Variants in CANT1 observed in about 807,000 individuals in gnomAD.
CANT1 encodes the protein calcium activated nucleotidase 1.
CANT1 carries 26 observed loss-of-function variants against 30.0 expected under a neutral mutation model. The ratio of observed to expected loss-of-function variants is 0.87; its 90% CI spans 0.64 to 1.20. The LOEUF is 1.20. CANT1 is among the 50% of genes most tolerant of loss of function. The pLI is 0.00. For synonymous variants in CANT1, 246 were observed against 251.8 expected (o/e 0.98, Z 0.22); for missense variants, 518 against 563.0 (o/e 0.92, Z 0.81).
rs189807984 is a variant in CANT1 at position 78,996,812 on chromosome 17, G to A, written c.631+180C>T. The A allele has an allele frequency of 4.4e-4, 372 of 837,358 alleles. No individual in the cohort carries two copies. The highest frequency in any genetic ancestry group is 3.9e-3 in the African/African-American group (234 of 60,504). The allele number at this position is 837,358 out of a possible 1,614,324, so 51.9% of individuals were successfully genotyped here. A position where few individuals can be genotyped will look rare whatever the true frequency, so the allele number is the denominator to read the frequency against. The stretch of plus-strand genomic sequence containing the variant: ...AACTGCTCAGTGTGAAGTGACAGTA[G>A]GCTATGCTCCTGGCTAAGGGTAAGG... On this transcript the variant is annotated intron_variant, in intron 3 of 4. Transcript: ENST00000392446. This position sits in a 1 kb window ranked among gnomAD's most constrained non-coding sequence, Gnocchi z 5.1.
Position 79,009,672 on chromosome 17 carries a change from G to T in CANT1, c.-155C>A. On this transcript the variant is annotated 5_prime_UTR_variant, in exon 1 of 5. Coordinates refer to ENST00000392446, the MANE Select transcript of CANT1 (RefSeq NM_001159773.2). ...CGGGCGCAGTCACTCACCCGCTGCG[G>T]GGCTGGCTCCGGTGCCCGCGATCGG... 6.6e-6 allele frequency: 1 copy of T among 152,142 alleles called. No homozygotes were observed. Among genetic ancestry groups the T allele is most frequent in the South Asian group, 1.9e-4 (1 of 5,264 alleles). The allele number at this position is 152,142 out of a possible 1,614,324, so 9.4% of individuals were successfully genotyped here. A position where few individuals can be genotyped will look rare whatever the true frequency, so the allele number is the denominator to read the frequency against.
rs990507435 is a variant in CANT1, at chr17:78,997,863, C to T, written c.-46G>A. 6 of 447,488 alleles carry T rather than the reference C, an allele frequency of 1.3e-5. No individual in the cohort carries two copies. The highest frequency in any genetic ancestry group is 1.2e-4 in the African/African-American group (6 of 50,572). The allele number at this position is 447,488 out of a possible 1,614,324, so 27.7% of individuals were successfully genotyped here. A position where few individuals can be genotyped will look rare whatever the true frequency, so the allele number is the denominator to read the frequency against. The stretch of plus-strand genomic sequence containing the variant: ...ACTTTCATTCGGCAAGACGTGAAGT[C>T]TTTCCACAGCAAAATTACTCCATCT... On this transcript the variant is annotated 5_prime_UTR_variant, in exon 2 of 5. Transcript: ENST00000392446. The surrounding 1 kb of genome is among the most constrained non-coding windows in gnomAD (Gnocchi z 7.5).
Position 78,995,766 on chromosome 17 carries a change from G to A in CANT1, c.632-545C>T, listed in dbSNP as rs550017085. Among the ~76,000 whole-genome samples the A allele has an allele frequency of 2.0e-5, 3 of 152,234 alleles. No individual in the cohort carries two copies. Among genetic ancestry groups the A allele is most frequent in the East Asian group, 3.9e-4 (2 of 5,170 alleles). On this transcript the variant is annotated intron_variant, in intron 3 of 4. Coordinates refer to ENST00000392446, the MANE Select transcript of CANT1 (RefSeq NM_001159773.2). This position sits in a 1 kb window ranked among gnomAD's most constrained non-coding sequence, Gnocchi z 5.7. ...GCTGTGTGGGAGCCTGTGTTCTACC[G>A]TGTATTCTTATCATCCCTACACCCT...
chr17:78,992,526 G>A lies in CANT1; in HGVS notation c.*1024C>T, dbSNP rs577227738. The stretch of plus-strand genomic sequence containing the variant: ...AGCCTGCAAAACTCCCACTGGAAGA[G>A]GAGAAATAAAGGCCATGGAAAGAAA... On this transcript the variant is annotated 3_prime_UTR_variant, in exon 5 of 5. Transcript: ENST00000392446. The A allele has an allele frequency of 7.5e-5, 28 of 371,754 alleles. 1 individual carries two copies. In the South Asian group the frequency reaches 7.7e-4, roughly 10 times the overall value. 23.0% of individuals were successfully genotyped at this position (371,754 alleles called of 1,614,324 possible).
At chr17:79,003,415 T>C (rs1382159258) in intron 1 of CANT1, among the ~76,000 whole-genome samples, 1 of 133,832 alleles carries the variant, frequency 7.5e-6, no homozygotes, top group Admixed American at 8.2e-5. Flanking sequence ...AGGCAAGAGT[T>C]TGCATGTTCT....
chr17:78,997,322 C>T lies in CANT1; in HGVS notation c.301G>A (p.Ala101Thr), dbSNP rs1352620338. The change falls in exon 3 of 5, where the codon GCT becomes ACT. Residue 101 changes from alanine to threonine, a missense_variant. Coordinates refer to ENST00000392446, the MANE Select transcript of CANT1 (RefSeq NM_001159773.2). This position sits in a 1 kb window ranked among gnomAD's most constrained non-coding sequence, Gnocchi z 7.5. ...ACTGCGATTCGATACCGAATCCCAG[C>T]CGGTGTCCTTTGTGGGGGAGACAGG... ...YPLSPPQRTP[A>T]GIRYRIAVIA... 1.9e-6 allele frequency: 3 copies of T among 1,614,080 alleles called. No homozygotes were observed. In the African/African-American group the frequency reaches 4.0e-5, roughly 22 times the overall value.
Position 78,997,386 on chromosome 17 carries a change from G to C in CANT1, c.237C>G (p.Leu79=). ...PPTHNAHNWR[L]GQAPANWYND... ...TGTACCAGTTGGCGGGCGCCTGGCC[G>C]AGCCTCCAGTTGTGTGCATTGTGGG... Residue 79 remains leucine (L), a synonymous_variant, in exon 3 of 5, where the codon CTC becomes CTG. Transcript: ENST00000392446. This position sits in a 1 kb window ranked among gnomAD's most constrained non-coding sequence, Gnocchi z 7.5. 12 of 1,613,646 alleles carry C rather than the reference G, an allele frequency of 7.4e-6. No individual in the cohort carries two copies. The highest frequency in any genetic ancestry group is 1.0e-5 in the Non-Finnish European group (12 of 1,179,822).
In CANT1 at chr17:78,997,139, C is replaced by A. The variant is rs1599225785; in HGVS notation, c.484G>T (p.Gly162Trp). The A allele has an allele frequency of 6.2e-7, 1 of 1,614,226 alleles. No homozygotes were observed. The highest frequency in any genetic ancestry group is 8.5e-7 in the Non-Finnish European group (1 of 1,180,058). ...AGGTCGGATAGCTCCATGCCTCTCC[C>A]CTTCTCCGCCAGGTGGGACTCCAGG... ...GVLESHLAEK[G>W]RGMELSDLIV... Residue 162 changes from glycine (G) to tryptophan (W), a missense_variant, in exon 3 of 5, where the codon GGG becomes TGG. Physicochemically the swap from Gly to Trp is radical, Grantham distance 184. This residue lies in a region of CANT1 where 249 missense variants were observed against 268.8 expected (regional missense o/e 0.93). Coordinates refer to ENST00000392446, the MANE Select transcript of CANT1 (RefSeq NM_001159773.2). This position sits in a 1 kb window ranked among gnomAD's most constrained non-coding sequence, Gnocchi z 7.5.
rs758006819 is a variant in CANT1 at position 78,996,937 on chromosome 17, G to T, written c.631+55C>A. On this transcript the variant is annotated intron_variant, in intron 3 of 4. Transcript: ENST00000392446. The surrounding 1 kb of genome is among the most constrained non-coding windows in gnomAD (Gnocchi z 5.1). Reference sequence around the variant, plus strand: ...CCATGTGCCTGTGTTTGCCAGCCAGGCCCTGAGCTCCCACTCCCCACCCAC... The same window carrying T: ...CCATGTGCCTGTGTTTGCCAGCCAGTCCCTGAGCTCCCACTCCCCACCCAC... The T allele has an allele frequency of 1.2e-6, 2 of 1,606,550 alleles. No homozygotes were observed.
chr17:79,007,838 T>C (rs1477429809), intron 1 of CANT1, among the ~76,000 whole-genome samples: 1 of 152,224 alleles, frequency 6.6e-6, no homozygotes, highest in Non-Finnish European at 1.5e-5. Context: ...AAAGGAGACC[T>C]CTGGCAATCA....
chr17:78,995,061 G>A lies in CANT1; in HGVS notation c.792C>T (p.Ser264=). 6.2e-7 allele frequency: 1 copy of A among 1,603,254 alleles called. No homozygotes were observed. The highest frequency in any genetic ancestry group is 8.5e-7 in the Non-Finnish European group (1 of 1,174,974). ...KGSVDHENWV[S]NYNALRAAAG... ...CAGCAGCCCGCAGGGCGTTGTAGTT[G>A]GACACCCAGTTCTCGTGGTCCACGC... The change falls in exon 4 of 5, where the codon TCC becomes TCT. Residue 264 remains serine, a synonymous_variant. Transcript: ENST00000392446. This position sits in a 1 kb window ranked among gnomAD's most constrained non-coding sequence, Gnocchi z 5.7.
chr17:79,006,684 G>A (rs375125362), intron 1 of CANT1, among the ~76,000 whole-genome samples: 2 of 152,288 alleles, frequency 1.3e-5, no homozygotes, highest in East Asian at 1.9e-4. Flanking sequence ...GCCAAAAGGC[G>A]ACCTTCTCAG....
At position 78,993,749 on chromosome 17, in the gene CANT1, C is replaced by T. The variant is rs1416951561; in HGVS notation, c.1007G>A (p.Gly336Glu). The T allele has an allele frequency of 1.2e-6, 2 of 1,613,788 alleles. No homozygotes were observed. The highest frequency in any genetic ancestry group is 1.7e-6 in the Non-Finnish European group (2 of 1,180,050). The stretch of plus-strand genomic sequence containing the variant: ...GAAGCCGTGAGTGGGGACCACCGCC[C>T]CGACGTGGCTCACAGCGATGTCGCC... ...DFGDIAVSHV[G>E]AVVPTHGFSS... Residue 336 changes from glycine (G) to glutamate (E), a missense_variant, in exon 5 of 5, where the codon GGG (glycine) becomes GAG (glutamate). This residue lies in a region of CANT1 where 221 missense variants were observed against 211.8 expected (regional missense o/e 1.04). Transcript: ENST00000392446. The surrounding 1 kb of genome is among the most constrained non-coding windows in gnomAD (Gnocchi z 4.5).
rs2071630311 is a variant in CANT1, at chr17:79,008,533, C to T, written c.-147+1131G>A. 6.6e-6 allele frequency among the ~76,000 whole-genome samples: 1 copy of T among 152,156 alleles called. No individual in the cohort carries two copies. The highest frequency in any genetic ancestry group is 1.5e-5 in the Non-Finnish European group (1 of 68,034). ...TTGTTGAAAATGTGGTAGGAAAGGC[C>T]ATAGGGCATACAACCTCAAGAATAA... On this transcript the variant is annotated intron_variant, in intron 1 of 4. Transcript: ENST00000392446. The surrounding 1 kb of genome is among the most constrained non-coding windows in gnomAD (Gnocchi z 4.4).
In CANT1 at chr17:78,993,515, G is replaced by A. The variant is rs1216331006; in HGVS notation, c.*35C>T. The stretch of plus-strand genomic sequence containing the variant: ...CTCCTCTTGTTTTTATAAAAGCTGA[G>A]TCCTGATGGCCTTGCTCAGTGTTTC... On this transcript the variant is annotated 3_prime_UTR_variant, in exon 5 of 5. Transcript: ENST00000392446. The surrounding 1 kb of genome is among the most constrained non-coding windows in gnomAD (Gnocchi z 4.5). The A allele has an allele frequency of 1.9e-6, 3 of 1,614,024 alleles. No individual in the cohort carries two copies. The highest frequency in any genetic ancestry group is 2.5e-6 in the Non-Finnish European group (3 of 1,179,976).
At position 78,993,659 on chromosome 17, in the gene CANT1, T is replaced by G; in HGVS notation, c.1097A>C (p.Asp366Ala). 3.1e-6 allele frequency: 5 copies of G among 1,614,144 alleles called. No individual in the cohort carries two copies. Among genetic ancestry groups the G allele is most frequent in the Non-Finnish European group, 4.2e-6 (5 of 1,179,958 alleles). Residue 366 changes from aspartate (D) to alanine (A), a missense_variant, in exon 5 of 5, where the codon GAC becomes GCC. Physicochemically the swap from Asp to Ala is moderately radical, Grantham distance 126. Coordinates refer to ENST00000392446, the MANE Select transcript of CANT1 (RefSeq NM_001159773.2). The surrounding 1 kb of genome is among the most constrained non-coding windows in gnomAD (Gnocchi z 4.5). The stretch of plus-strand genomic sequence containing the variant: ...GATGTAGGAGGCGACTCTGCCGCTG[T>G]CCTCCTCGGATTTGAGGGCCACAAT... ...QIIVALKSEE[D>A]SGRVASYIMA...
At chr17:79,001,160 C>T (rs1351275224) in intron 1 of CANT1, among the ~76,000 whole-genome samples, 1 of 152,216 alleles carries the variant, frequency 6.6e-6, no homozygotes, top group East Asian at 1.9e-4. Flanking sequence ...GCATAGACTG[C>T]TGTCAGACAT....
Position 78,992,879 on chromosome 17 carries a change from A to G in CANT1, c.*671T>C, listed in dbSNP as rs114125762. On this transcript the variant is annotated 3_prime_UTR_variant, in exon 5 of 5. Coordinates refer to ENST00000392446, the MANE Select transcript of CANT1 (RefSeq NM_001159773.2). ...AGGTTAATAATTAAAACTTCAAAGT[A>G]CTGCACAGCCACAGAATTTTCTTGA... The G allele has an allele frequency of 0.027, 9,821 of 364,836 alleles. 164 individuals are homozygous for G. Among genetic ancestry groups the G allele is most frequent in the African/African-American group, 0.046 (2,270 of 49,150 alleles). 22.6% of individuals were successfully genotyped at this position (364,836 alleles called of 1,614,324 possible).
rs993980722 is a variant in CANT1, at chr17:79,008,478, C to T, written c.-147+1186G>A. Reference sequence around the variant, plus strand: ...GAGAGCTAGCCGGATTCACTTGACACCAAGAGCCTCACATTTCCAAACCTC... The same window carrying T: ...GAGAGCTAGCCGGATTCACTTGACATCAAGAGCCTCACATTTCCAAACCTC... On this transcript the variant is annotated intron_variant, in intron 1 of 4. Transcript: ENST00000392446. This position sits in a 1 kb window ranked among gnomAD's most constrained non-coding sequence, Gnocchi z 4.4. 2.0e-5 allele frequency among the ~76,000 whole-genome samples: 3 copies of T among 152,232 alleles called. No homozygotes were observed. Among genetic ancestry groups the T allele is most frequent in the Non-Finnish European group, 2.9e-5 (2 of 68,040 alleles).
Sources: allele counts gnomAD v4.1 joint callset (sites outside exome capture counted in the v4.1 genomes callset), GRCh38; gene constraint gnomAD v4.1.1; regional missense constraint gnomAD v4.1.1; non-coding constraint Gnocchi (gnomAD v3.1); transcripts MANE v1.5; gene names NCBI Gene and HGNC (gene_info 2026-07-23, HGNC 2026-07-21).